SLX4: variants seen among roughly 807,000 people sequenced by gnomAD.
SLX4 encodes structure-specific endonuclease subunit SLX4.
Under a neutral mutation model 146.2 loss-of-function variants are expected in SLX4, and 112 were observed. That is an observed-to-expected ratio of 0.77 (90% CI 0.66 to 0.90). The LOEUF (loss-of-function observed/expected upper bound fraction) is 0.90. Ranked by LOEUF, SLX4 falls within the 40% of genes least tolerant of loss-of-function variation. The probability of loss-of-function intolerance (pLI) is 0.00; values close to 1 mark genes in which losing one functional copy is unlikely to be tolerated. For missense variants in SLX4, 2,563 were observed against 2,392.7 expected, an observed-to-expected ratio of 1.07 and a Z score of -1.49; for synonymous variants, 1,061 against 997.7, an observed-to-expected ratio of 1.06 and a Z score of -1.20.
chr16:3,595,751 A>G (rs531497238), intron 8 of SLX4, 58 bp from the exon 9 acceptor site: 5 of 1,591,956 alleles, frequency 3.1e-6, no homozygotes, highest in South Asian at 1.1e-5. Flanking sequence ...TCCACCACCA[A>G]GAAGACAGCG....
intron 8 of SLX4, 106 bp from the exon 9 acceptor site, chr16:3,595,799 A>T (rs1309802144): frequency 2.3e-6 from 3 of 1,310,072 alleles, no homozygotes; most frequent in Non-Finnish European, 3.2e-6. Context: ...GGTGCCTCGG[A>T]AGGTGCTTGC....
chr16:3,604,898 T>C (rs951057935), intron 3 of SLX4, among the ~76,000 whole-genome samples: 2 of 149,898 alleles, frequency 1.3e-5, no homozygotes, highest in African/African-American at 4.9e-5. Context: ...TAGATTGAGG[T>C]ATAGGGGATT....
chr16:3,596,449 C>G, intron 7 of SLX4, 56 bp from the exon 8 acceptor site: 2 of 1,528,404 alleles, frequency 1.3e-6, no homozygotes, highest in Non-Finnish European at 1.8e-6. Flanking sequence ...GACGCACACA[C>G]TGCAGAAGCC....
In SLX4 at chr16:3,597,796, C is replaced by T. The variant is rs745558608; in HGVS notation, c.1366+1G>A. Reference sequence around the variant, plus strand: ...AGGGTCACTCTTCTGATCACACAAACCTGCTTCTGGTCTTATCCTCTCAGA... The same window carrying T: ...AGGGTCACTCTTCTGATCACACAAATCTGCTTCTGGTCTTATCCTCTCAGA... On this transcript the variant is annotated splice_donor_variant, in intron 6 of 14. Coordinates refer to ENST00000294008, the MANE Select transcript of SLX4 (RefSeq NM_032444.4). LOFTEE classifies it high-confidence loss of function. This position sits in a 1 kb window ranked among gnomAD's most constrained non-coding sequence, Gnocchi z 4.4. The T allele has an allele frequency of 1.9e-6, 3 of 1,614,156 alleles. No homozygotes were observed. The highest frequency in any genetic ancestry group is 2.5e-6 in the Non-Finnish European group (3 of 1,180,030).
At position 3,582,327 on chromosome 16, in the gene SLX4, G is replaced by T. The variant is rs763714774; in HGVS notation, c.*15C>A. ...GCTGCTGATGGCAGGTTGGGGTGGG[G>T]TCGGGATGGCCCCATCAGTTCCGCT... On this transcript the variant is annotated 3_prime_UTR_variant, in exon 15 of 15. Coordinates refer to ENST00000294008, the MANE Select transcript of SLX4 (RefSeq NM_032444.4). 6.2e-7 allele frequency: 1 copy of T among 1,605,126 alleles called. No individual in the cohort carries two copies.
Position 3,597,656 on chromosome 16 carries a change from G to C in SLX4, c.1406C>G (p.Pro469Arg), listed in dbSNP as rs760494841. 10 of 1,613,896 alleles carry C rather than the reference G, an allele frequency of 6.2e-6. No homozygotes were observed. The highest frequency in any genetic ancestry group is 8.5e-6 in the Non-Finnish European group (10 of 1,179,916). ...TTCAGAGTCCTGGACTAACAACAAT[G>C]GGGGGGATACCGGGGGTTTCTTCTT... The part of the protein sequence containing the change: ...SRKKKPPVSP[P>R]LLLVQDSETT... Residue 469 changes from proline (P) to arginine (R), a missense_variant, in exon 7 of 15, where the codon CCA becomes CGA. Pro to Arg is a moderately radical substitution (Grantham distance 103). Transcript: ENST00000294008. The surrounding 1 kb of genome is among the most constrained non-coding windows in gnomAD (Gnocchi z 4.4).
intron 3 of SLX4, among the ~76,000 whole-genome samples, chr16:3,604,768 C>T (rs1392919943): frequency 4.1e-5 from 6 of 147,440 alleles, no homozygotes; most frequent in Admixed American, 6.9e-5. Flanking sequence ...TGCAGTGAGC[C>T]GAGATTGCGC....
intron 3 of SLX4, among the ~76,000 whole-genome samples, chr16:3,605,976 A>G (rs1596532693): frequency 6.9e-5 from 8 of 116,352 alleles, no homozygotes; most frequent in East Asian, 5.5e-4. Context: ...AAAAAGGAAG[A>G]GGGCCAGGTG....
At chr16:3,600,529 G>A (rs190010618) in intron 5 of SLX4, 39 of 193,208 alleles carry the variant, frequency 2.0e-4, no homozygotes, top group East Asian at 1.7e-3. Flanking sequence ...CCCGATTTCC[G>A]CCCTAAGTGT....
At position 3,608,666 on chromosome 16, in the gene SLX4, G is replaced by C. The variant is rs201163062; in HGVS notation, c.299C>G (p.Thr100Ser). Reference protein sequence around the residue: ...LKRTKQTATKTKTLQGPAEKK... With the variant: ...LKRTKQTATKSKTLQGPAEKK... ...CTCTGCAGGGCCTTGAAGGGTTTTG[G>C]TCTTGGTAGCAGTTTGTTTGGTCCT... Residue 100 changes from threonine to serine, a missense_variant, in exon 2 of 15, where the codon ACC becomes AGC. Thr to Ser is a moderately conservative substitution (Grantham distance 58). Transcript: ENST00000294008. 7 of 1,614,100 alleles carry C rather than the reference G, an allele frequency of 4.3e-6. No homozygotes were observed. In the African/African-American group the frequency reaches 9.3e-5, roughly 22 times the overall value.
rs756720856 is a variant in SLX4, at chr16:3,608,773, T to G, written c.192A>C (p.Lys64Asn). 6.2e-7 allele frequency: 1 copy of G among 1,614,190 alleles called. No individual in the cohort carries two copies. Among genetic ancestry groups the G allele is most frequent in the Non-Finnish European group, 8.5e-7 (1 of 1,180,042 alleles). ...LCASFFQRVK[K>N]HGIKEVSGER... ...CTCCTGACACTTCCTTGATTCCATG[T>G]TTTTTCACCCTTTGGAAAAAGCTAG... The change falls in exon 2 of 15, where the codon AAA becomes AAC. Residue 64 changes from lysine (K) to asparagine (N), a missense_variant. Transcript: ENST00000294008.
In SLX4 at chr16:3,582,465, C is replaced by T. The variant is rs368848191; in HGVS notation, c.5382G>A (p.Ser1794=). ...TGTCCAGGAAGTCCAACAGCCTGCGCGAGGACACACGGAGGCCGTTCTGCC... is the reference window on the plus strand; with the variant it reads ...TGTCCAGGAAGTCCAACAGCCTGCGTGAGGACACACGGAGGCCGTTCTGCC... ...ELRQNGLRVS[S]RRLLDFLDTH... Residue 1794 remains serine (S), a synonymous_variant, in exon 15 of 15, where the codon TCG becomes TCA. Transcript: ENST00000294008. The T allele has an allele frequency of 3.2e-5, 52 of 1,613,882 alleles. No individual in the cohort carries two copies. Among genetic ancestry groups the T allele is most frequent in the Middle Eastern group, 3.3e-4 (2 of 6,084 alleles).
chr16:3,606,913 G>C (rs899243569), intron 2 of SLX4, among the ~76,000 whole-genome samples: 1 of 152,162 alleles, frequency 6.6e-6, no homozygotes, highest in Non-Finnish European at 1.5e-5. Flanking sequence ...AATGGGATGT[G>C]ACTGCTAATG....
In SLX4 at chr16:3,589,666, G is replaced by T; in HGVS notation, c.3972C>A (p.Cys1324Ter). 6.2e-7 allele frequency: 1 copy of T among 1,614,028 alleles called. No individual in the cohort carries two copies. The highest frequency in any genetic ancestry group is 1.3e-5 in the African/African-American group (1 of 75,056). ...AAGTTCCTGGAGAGACGGGAGTGAGGCATGAGGACGGTGTCTGGGGCGGTG... is the reference window on the plus strand; with the variant it reads ...AAGTTCCTGGAGAGACGGGAGTGAGTCATGAGGACGGTGTCTGGGGCGGTG... ...QTPPPQTPSS[C>*]LTPVSPGTSD... Residue 1324 changes from cysteine to a stop codon, truncating the protein, a stop_gained, in exon 12 of 15, where the codon TGC becomes TGA. Transcript: ENST00000294008. LOFTEE classifies it high-confidence loss of function. This position sits in a 1 kb window ranked among gnomAD's most constrained non-coding sequence, Gnocchi z 6.2.
Position 3,608,426 on chromosome 16 carries a change from T to C in SLX4, c.535+4A>G. 1 of 1,614,214 alleles carries C rather than the reference T, an allele frequency of 6.2e-7. No individual in the cohort carries two copies. Among genetic ancestry groups the C allele is most frequent in the African/African-American group, 1.3e-5 (1 of 75,060 alleles). ...AGCCCCTGGTTTAAAAGAGTACAAA[T>C]TACCTCTGGTTTTCTCTCTGGAAAG... On this transcript the variant is annotated splice_donor_region_variant and intron_variant, in intron 2 of 14. Transcript: ENST00000294008.
intron 5 of SLX4, chr16:3,600,766 T>C (rs921640666): frequency 8.5e-5 from 45 of 527,884 alleles, no homozygotes; most frequent in South Asian, 5.8e-4. Context: ...ATGCTAATTT[T>C]TGTATTTTTA....
chr16:3,601,151 G>A lies in SLX4; in HGVS notation c.991C>T (p.Pro331Ser), dbSNP rs774281427. The A allele has an allele frequency of 2.5e-6, 4 of 1,614,118 alleles. No homozygotes were observed. Among genetic ancestry groups the A allele is most frequent in the Non-Finnish European group, 3.4e-6 (4 of 1,180,034 alleles). The change falls in exon 5 of 15, where the codon CCT (proline) becomes TCT (serine). Residue 331 changes from proline to serine, a missense_variant. Physicochemically the swap from Pro to Ser is moderately conservative, Grantham distance 74. Coordinates refer to ENST00000294008, the MANE Select transcript of SLX4 (RefSeq NM_032444.4). ...CAAATCGGGCACTCAGGGATCTGAG[G>A]CACAGAAGGTCTTAGTGTCTTTTCA... is the stretch of plus-strand genomic sequence containing the variant. The part of the protein sequence containing the change: ...EAEKTLRPSV[P>S]QIPECPICGK...
At chr16:3,588,926 T>C in intron 12 of SLX4, 76 bp downstream of exon 12, 1 of 1,589,916 alleles carries the variant, frequency 6.3e-7, no homozygotes, top group African/African-American at 1.3e-5. Context: ...CTGGGTCTCA[T>C]GACTGATCTT....
chr16:3,590,293 CA>C lies in SLX4; in HGVS notation c.3344del (p.Leu1115ArgfsTer12). 6.2e-7 allele frequency: 1 copy of C among 1,614,036 alleles called. No homozygotes were observed. The highest frequency in any genetic ancestry group is 8.5e-7 in the Non-Finnish European group (1 of 1,179,988). ...SVLECRNKGV[L>X]MFPEKSPSID... ...TAGACGGAGATTTTTCTGGGAACAT[CA>C]GGACCCCCTTATTTCTGCACTCCAG... On this transcript the variant is annotated frameshift_variant, in exon 12 of 15. Coordinates refer to ENST00000294008, the MANE Select transcript of SLX4 (RefSeq NM_032444.4). LOFTEE classifies it high-confidence loss of function. The surrounding 1 kb of genome is among the most constrained non-coding windows in gnomAD (Gnocchi z 4.8).
Sources: gnomAD v4.1 joint callset for allele counts (sites outside exome capture counted in the v4.1 genomes callset) on GRCh38, gnomAD v4.1.1 for gene constraint, Gnocchi (gnomAD v3.1) non-coding constraint, MANE v1.5 for transcripts, NCBI Gene and HGNC (gene_info 2026-07-23, HGNC 2026-07-21) for gene names.